Variants in ZMIZ1 observed in about 807,000 individuals in gnomAD.
ZMIZ1 encodes the protein zinc finger MIZ-type containing 1, also known as zinc finger MIZ domain-containing protein 1.
In ZMIZ1, 17 loss-of-function variants were observed where a neutral mutation model predicts 113.9. That is an observed-to-expected ratio of 0.15 (90% CI 0.10 to 0.22). ZMIZ1 has a LOEUF of 0.22. Among genes scored for constraint, ZMIZ1 ranks in the 10% least tolerant of loss-of-function variants. The pLI, the probability that ZMIZ1 is intolerant of heterozygous loss-of-function variation, is 1.00. For missense variants in ZMIZ1, 1,059 were observed against 1,477.8 expected, an observed-to-expected ratio of 0.72 and a Z score of 4.65; for synonymous variants, 607 against 603.1, an observed-to-expected ratio of 1.01 and a Z score of -0.09.
intron 1 of ZMIZ1, among the ~76,000 whole-genome samples, chr10:79,079,090 C>G (rs1368061658): frequency 2.0e-5 from 3 of 152,232 alleles, no homozygotes; most frequent in African/African-American, 7.2e-5. Flanking sequence ...TTTAACCCAC[C>G]CTCCAGCCTC....
chr10:79,190,671 C>A (rs563705486), intron 4 of ZMIZ1, among the ~76,000 whole-genome samples: 1 of 152,168 alleles, frequency 6.6e-6, no homozygotes, highest in Admixed American at 6.5e-5. Context: ...ATTCACACCC[C>A]CTGTGTGGCT....
At chr10:79,248,689 G>A (rs558413892) in intron 7 of ZMIZ1, among the ~76,000 whole-genome samples, 9 of 152,254 alleles carry the variant, frequency 5.9e-5, no homozygotes, top group East Asian at 3.9e-4. Flanking sequence ...GAGGAGCTCC[G>A]GGAACTGGAT....
chr10:79,180,031 T>A (rs1847048773), intron 4 of ZMIZ1, among the ~76,000 whole-genome samples: 1 of 152,132 alleles, frequency 6.6e-6, no homozygotes, highest in Non-Finnish European at 1.5e-5. Flanking sequence ...TATCCACCTG[T>A]CCCCTTCCTG....
intron 1 of ZMIZ1, among the ~76,000 whole-genome samples, chr10:79,070,525 G>C (rs1438157223): frequency 6.6e-6 from 1 of 152,142 alleles, no homozygotes; most frequent in Admixed American, 6.5e-5. Flanking sequence ...GAGCGCGCCA[G>C]GGCAGCCGGT....
intron 2 of ZMIZ1, among the ~76,000 whole-genome samples, chr10:79,137,645 G>T (rs1845062937): frequency 6.6e-6 from 1 of 152,308 alleles, no homozygotes; most frequent in South Asian, 2.1e-4. Context: ...GACCCAGAAT[G>T]GTCCTTGCCC....
intron 3 of ZMIZ1, among the ~76,000 whole-genome samples, chr10:79,150,801 C>T (rs1213365569): frequency 6.6e-6 from 1 of 152,092 alleles, no homozygotes; most frequent in East Asian, 1.9e-4. Context: ...AGAAGCCGGG[C>T]GACGGAGCAT....
At chr10:79,103,985 ACTT>A (rs1385607840) in intron 1 of ZMIZ1, among the ~76,000 whole-genome samples, 1 of 152,156 alleles carries the variant, frequency 6.6e-6, no homozygotes, top group African/African-American at 2.4e-5. Context: ...AGCTGGGCTG[ACTT>A]CTTACTATGA....
intron 6 of ZMIZ1, among the ~76,000 whole-genome samples, chr10:79,215,895 C>A (rs1273159206): frequency 1.3e-5 from 2 of 152,118 alleles, no homozygotes; most frequent in African/African-American, 4.8e-5. Context: ...GAATCTGAGC[C>A]CTTGGAAGCG....
At chr10:79,077,153 G>A (rs1342641671) in intron 1 of ZMIZ1, among the ~76,000 whole-genome samples, 1 of 152,188 alleles carries the variant, frequency 6.6e-6, no homozygotes, top group Non-Finnish European at 1.5e-5. Context: ...TCAGGACAAA[G>A]GAGGAGATGC....
At chr10:79,217,195 G>A (rs1206501751) in intron 7 of ZMIZ1, among the ~76,000 whole-genome samples, 1 of 152,116 alleles carries the variant, frequency 6.6e-6, no homozygotes, top group Non-Finnish European at 1.5e-5. Flanking sequence ...AGGCCGAGGC[G>A]AGCAGATCAC....
intron 2 of ZMIZ1, among the ~76,000 whole-genome samples, chr10:79,136,750 G>T (rs1439479324): frequency 6.6e-6 from 1 of 152,232 alleles, no homozygotes. Flanking sequence ...TACATAAAGT[G>T]CTTAGAACAG....
At chr10:79,133,986 T>C (rs1273429519) in intron 2 of ZMIZ1, among the ~76,000 whole-genome samples, 1 of 152,226 alleles carries the variant, frequency 6.6e-6, no homozygotes, top group Non-Finnish European at 1.5e-5. Context: ...ATATTTGTTC[T>C]ATGTAAAGAT....
intron 2 of ZMIZ1, among the ~76,000 whole-genome samples, chr10:79,124,311 T>C (rs746239001): frequency 5.2e-4 from 79 of 152,214 alleles, no homozygotes; most frequent in Non-Finnish European, 1.0e-3. Flanking sequence ...CCCATTGAAG[T>C]TGGGACTATC....
intron 4 of ZMIZ1, among the ~76,000 whole-genome samples, chr10:79,198,587 TC>T (rs1389307022): frequency 6.6e-6 from 1 of 152,032 alleles, no homozygotes; most frequent in Admixed American, 6.5e-5. Flanking sequence ...ACCCCCACTT[TC>T]CCCTTCTTGC....
intron 2 of ZMIZ1, among the ~76,000 whole-genome samples, chr10:79,130,079 C>G (rs1369042194): frequency 6.6e-6 from 1 of 152,178 alleles, no homozygotes; most frequent in Non-Finnish European, 1.5e-5. Context: ...CTTTCCCTGA[C>G]CCCCACATCC....
intron 4 of ZMIZ1, among the ~76,000 whole-genome samples, chr10:79,178,004 A>G (rs1846943678): frequency 6.6e-6 from 1 of 152,178 alleles, no homozygotes; most frequent in African/African-American, 2.4e-5. Flanking sequence ...TAATGGCCAC[A>G]TGGTGGGGTC....
intron 6 of ZMIZ1, 91 bp downstream of exon 6, chr10:79,208,540 C>T: frequency 9.2e-7 from 1 of 1,087,600 alleles, no homozygotes; most frequent in South Asian, 1.4e-5. Flanking sequence ...GGTTGTCAGA[C>T]ATTGGGAGGT....
chr10:79,268,721 G>A (rs1013292364), intron 7 of ZMIZ1, among the ~76,000 whole-genome samples: 17 of 152,206 alleles, frequency 1.1e-4, no homozygotes, highest in Non-Finnish European at 2.1e-4. Context: ...CATCCATCAA[G>A]CAACTGCCAT....
intron 11 of ZMIZ1, among the ~76,000 whole-genome samples, 197 bp downstream of exon 11, chr10:79,292,553 T>C (rs1853565911): frequency 1.3e-5 from 2 of 152,080 alleles, no homozygotes; most frequent in African/African-American, 4.8e-5. Flanking sequence ...GAATGGGGCG[T>C]GTCAGTGTGC....
Sources: allele counts gnomAD v4.1 joint callset (sites outside exome capture counted in the v4.1 genomes callset), GRCh38; gene constraint gnomAD v4.1.1; transcripts MANE v1.5; gene names NCBI Gene and HGNC (gene_info 2026-07-23, HGNC 2026-07-21).